Variants in IGF2BP2 observed in about 807,000 individuals in gnomAD.
IGF2BP2 encodes insulin like growth factor 2 mRNA binding protein 2.
IGF2BP2 carries 17 observed loss-of-function variants against 75.8 expected under a neutral mutation model. The ratio of observed to expected loss-of-function variants is 0.22; its 90% CI spans 0.15 to 0.34. The LOEUF (loss-of-function observed/expected upper bound fraction) is 0.34, where lower values mean the gene tolerates loss of function less well. Among genes scored for constraint, IGF2BP2 ranks in the 10% least tolerant of loss-of-function variants. IGF2BP2 has a pLI of 1.00. For missense variants in IGF2BP2, 516 were observed against 772.4 expected (o/e 0.67, Z 3.93); for synonymous variants, 288 against 295.6 (o/e 0.97, Z 0.26).
intron 2 of IGF2BP2, among the ~76,000 whole-genome samples, chr3:185,804,606 T>A (rs917206182): frequency 1.3e-5 from 2 of 152,186 alleles, no homozygotes; most frequent in South Asian, 4.1e-4. Context: ...ATAAATTTTT[T>A]AAAATCTGCC....
intron 2 of IGF2BP2, among the ~76,000 whole-genome samples, chr3:185,813,018 C>T (rs1740115383): frequency 6.6e-6 from 1 of 152,120 alleles, no homozygotes; most frequent in African/African-American, 2.4e-5. Flanking sequence ...CATTAATATG[C>T]AAATCAGTGA....
chr3:185,677,455 T>G (rs576570382), intron 7 of IGF2BP2, among the ~76,000 whole-genome samples: 1 of 152,118 alleles, frequency 6.6e-6, no homozygotes, highest in Non-Finnish European at 1.5e-5. Flanking sequence ...CTAGCTAGGC[T>G]GATTTCAGGT....
intron 2 of IGF2BP2, among the ~76,000 whole-genome samples, chr3:185,736,728 AG>A (rs1012597511): frequency 1.3e-5 from 2 of 152,220 alleles, no homozygotes; most frequent in African/African-American, 4.8e-5. Flanking sequence ...CTCAACACTT[AG>A]GGTTTCAAGT....
intron 5 of IGF2BP2, among the ~76,000 whole-genome samples, chr3:185,689,999 C>G (rs1261279926): frequency 6.6e-6 from 1 of 151,558 alleles, no homozygotes; most frequent in African/African-American, 2.4e-5. Context: ...GACCCTCCCG[C>G]AAGACTGGTT....
At position 185,693,917 on chromosome 3, in the gene IGF2BP2, C is replaced by G. The variant is rs569796791; in HGVS notation, c.341-1155G>C. ...AGCTTCAAGAATTCTATAAACCCCTCCAAAATGATTCAAACTTGTAGAAAT... is the reference window on the plus strand; with the variant it reads ...AGCTTCAAGAATTCTATAAACCCCTGCAAAATGATTCAAACTTGTAGAAAT... On this transcript the variant is annotated intron_variant, in intron 4 of 15. Coordinates refer to ENST00000382199, the MANE Select transcript of IGF2BP2 (RefSeq NM_006548.6). Among the ~76,000 whole-genome samples the G allele has an allele frequency of 2.6e-5, 4 of 152,306 alleles. No individual in the cohort carries two copies. In the East Asian group the frequency reaches 7.7e-4, roughly 29 times the overall value.
intron 2 of IGF2BP2, among the ~76,000 whole-genome samples, chr3:185,748,576 A>C (rs758465686): frequency 1.3e-5 from 2 of 152,228 alleles, no homozygotes; most frequent in African/African-American, 2.4e-5. Flanking sequence ...CTAAGGCATA[A>C]TATATAACAA....
intron 2 of IGF2BP2, among the ~76,000 whole-genome samples, chr3:185,742,495 C>T (rs933797992): frequency 1.1e-4 from 16 of 150,098 alleles, no homozygotes; most frequent in African/African-American, 3.7e-4. Flanking sequence ...GACTCCATTT[C>T]GAAAAAAAAA....
chr3:185,765,314 A>C (rs961883359), intron 2 of IGF2BP2, among the ~76,000 whole-genome samples: 1 of 152,200 alleles, frequency 6.6e-6, no homozygotes, highest in Non-Finnish European at 1.5e-5. Flanking sequence ...AGTTTCTTTC[A>C]ATCAGTAAAC....
intron 6 of IGF2BP2, among the ~76,000 whole-genome samples, chr3:185,687,447 GCCAACTCAGTAAT>G (rs1440754953): frequency 6.6e-6 from 1 of 152,238 alleles, no homozygotes; most frequent in Non-Finnish European, 1.5e-5. Flanking sequence ...AAGGCACTAA[GCCAACTCAGTAAT>G]GAAGCCAGTT....
At chr3:185,820,908 G>C in intron 2 of IGF2BP2, 1 of 1,212,284 alleles carries the variant, frequency 8.2e-7, no homozygotes, top group Non-Finnish European at 1.1e-6. Context: ...ACTTAACACT[G>C]CCAAATTTAC....
intron 2 of IGF2BP2, among the ~76,000 whole-genome samples, chr3:185,718,925 C>G (rs1726086820): frequency 6.6e-6 from 1 of 152,164 alleles, no homozygotes; most frequent in African/African-American, 2.4e-5. Flanking sequence ...TCCCAAGAAG[C>G]TGCTCCTTAC....
chr3:185,660,526 G>C lies in IGF2BP2; in HGVS notation c.1201-2117C>G, dbSNP rs187039287. Among the ~76,000 whole-genome samples the C allele has an allele frequency of 2.9e-4, 44 of 152,322 alleles. 1 individual carries two copies. The highest frequency in any genetic ancestry group is 1.0e-3 in the African/African-American group (43 of 41,584). ...CTGCTGTAGGTTACCAGCCACGCCT[G>C]CCGGCGACAGAGCTCCACTTAACAC... On this transcript the variant is annotated intron_variant, in intron 10 of 15. Transcript: ENST00000382199.
chr3:185,669,901 G>T (rs559132985), intron 10 of IGF2BP2, among the ~76,000 whole-genome samples: 1 of 152,216 alleles, frequency 6.6e-6, no homozygotes, highest in Admixed American at 6.5e-5. Flanking sequence ...AAGCCCACAG[G>T]TCTGCGGTGT....
intron 2 of IGF2BP2, among the ~76,000 whole-genome samples, chr3:185,742,699 G>A (rs1729731579): frequency 6.6e-6 from 1 of 152,106 alleles, no homozygotes; most frequent in African/African-American, 2.4e-5. Context: ...AGCTGAGTTA[G>A]TTTAATGCAG....
At chr3:185,680,411 T>G (rs1468508256) in intron 7 of IGF2BP2, among the ~76,000 whole-genome samples, 1 of 151,974 alleles carries the variant, frequency 6.6e-6, no homozygotes, top group Non-Finnish European at 1.5e-5. Flanking sequence ...CTGAAACTCT[T>G]CCAAAAAAAT....
At chr3:185,819,297 T>C (rs1480998129) in intron 2 of IGF2BP2, among the ~76,000 whole-genome samples, 1 of 152,138 alleles carries the variant, frequency 6.6e-6, no homozygotes, top group Non-Finnish European at 1.5e-5. Flanking sequence ...TAAATTGTTA[T>C]ATTACAATTT....
At chr3:185,717,234 A>C (rs1199812394) in intron 2 of IGF2BP2, 4 of 173,960 alleles carry the variant, frequency 2.3e-5, no homozygotes, top group African/African-American at 7.2e-5. Flanking sequence ...GGGCATCAGG[A>C]CCAACGGGCA....
At chr3:185,791,101 T>C (rs1157051791) in intron 2 of IGF2BP2, among the ~76,000 whole-genome samples, 1 of 152,278 alleles carries the variant, frequency 6.6e-6, no homozygotes, top group African/African-American at 2.4e-5. Context: ...AGTCTAATTA[T>C]GGTCCATATT....
intron 2 of IGF2BP2, among the ~76,000 whole-genome samples, chr3:185,703,331 C>T (rs774491613): frequency 6.6e-6 from 1 of 152,128 alleles, no homozygotes; most frequent in Admixed American, 6.5e-5. Flanking sequence ...CAGAAGGTTC[C>T]AACTGAGTGA....
Sources: allele counts gnomAD v4.1 joint callset (sites outside exome capture counted in the v4.1 genomes callset), GRCh38; gene constraint gnomAD v4.1.1; transcripts MANE v1.5; gene names NCBI Gene and HGNC (gene_info 2026-07-23, HGNC 2026-07-21).